Variants in USP47 observed in about 807,000 individuals in gnomAD.
The protein encoded by USP47 is ubiquitin specific peptidase 47.
USP47 carries 35 observed loss-of-function variants against 165.1 expected under a neutral mutation model. The observed-to-expected ratio is 0.21, with a 90% confidence interval of 0.16 to 0.28. The LOEUF (loss-of-function observed/expected upper bound fraction) is 0.28. Among genes scored for constraint, USP47 ranks in the 10% least tolerant of loss-of-function variants. USP47 has a pLI of 1.00. For synonymous variants in USP47, 531 were observed against 544.5 expected, an observed-to-expected ratio of 0.98 and a Z score of 0.35; for missense variants, 1,277 against 1,607.4, an observed-to-expected ratio of 0.79 and a Z score of 3.52.
chr11:11,881,772 A>T (rs1044803217), intron 2 of USP47, among the ~76,000 whole-genome samples: 4 of 152,150 alleles, frequency 2.6e-5, no homozygotes, highest in Non-Finnish European at 2.9e-5. Flanking sequence ...CTTGATAGAC[A>T]TCTGTCCTTG....
chr11:11,945,492 A>G (rs777725634), intron 20 of USP47, among the ~76,000 whole-genome samples: 2 of 152,182 alleles, frequency 1.3e-5, no homozygotes, highest in Non-Finnish European at 2.9e-5. Context: ...TCAGAGAATA[A>G]TTACAGATCA....
chr11:11,908,832 A>T (rs960695615), intron 8 of USP47, among the ~76,000 whole-genome samples: 1 of 152,294 alleles, frequency 6.6e-6, no homozygotes, highest in African/African-American at 2.4e-5. Context: ...GCCATTCTGT[A>T]TATCTCAGAT....
At chr11:11,844,894 T>C (rs921322104) in intron 1 of USP47, among the ~76,000 whole-genome samples, 1 of 152,120 alleles carries the variant, frequency 6.6e-6, no homozygotes, top group Non-Finnish European at 1.5e-5. Context: ...AGAGGACTCT[T>C]GAAGAAGACA....
chr11:11,847,805 C>T (rs186659619), intron 1 of USP47, among the ~76,000 whole-genome samples: 1 of 152,314 alleles, frequency 6.6e-6, no homozygotes, highest in Admixed American at 6.5e-5. Context: ...CTTTCTAAAA[C>T]AGATGAGATT....
At chr11:11,952,713 A>G (rs958486387) in intron 24 of USP47, 28 bp from the exon 25 acceptor site, 2 of 1,560,740 alleles carry the variant, frequency 1.3e-6, no homozygotes, top group African/African-American at 2.8e-5. Flanking sequence ...AGGAAATAGA[A>G]TGATGACCTA....
At chr11:11,931,645 G>T (rs1290727893) in intron 14 of USP47, among the ~76,000 whole-genome samples, 1 of 152,112 alleles carries the variant, frequency 6.6e-6, no homozygotes, top group Non-Finnish European at 1.5e-5. Context: ...TTGTTATAAA[G>T]CACCAGAGGG....
intron 1 of USP47, among the ~76,000 whole-genome samples, chr11:11,871,754 C>T (rs1478194845): frequency 6.6e-6 from 1 of 152,058 alleles, no homozygotes; most frequent in East Asian, 1.9e-4. Flanking sequence ...TAGCTCTTTC[C>T]ACCCCTTGAA....
rs115341256 is a variant in USP47, at chr11:11,888,416, G to A, written c.358-3552G>A. Among the ~76,000 whole-genome samples the A allele has an allele frequency of 7.3e-3, 1,104 of 152,218 alleles. 18 individuals are homozygous for A. Among genetic ancestry groups the A allele is most frequent in the African/African-American group, 0.025 (1,042 of 41,542 alleles). ...CCCACAGAAATACGAAAAACCATCA[G>A]AGAATACTATAAACATCTCTGTGCA... On this transcript the variant is annotated intron_variant, in intron 3 of 27. Transcript: ENST00000527733.
At chr11:11,855,679 G>A (rs1021874688) in intron 1 of USP47, among the ~76,000 whole-genome samples, 1 of 152,086 alleles carries the variant, frequency 6.6e-6, no homozygotes, top group African/African-American at 2.4e-5. Flanking sequence ...TACAACCAAA[G>A]CATTCTAGTT....
intron 1 of USP47, among the ~76,000 whole-genome samples, chr11:11,868,514 T>C (rs1302175365): frequency 1.3e-5 from 2 of 152,220 alleles, no homozygotes; most frequent in Non-Finnish European, 1.5e-5. Flanking sequence ...GATATGGATG[T>C]ACTATAATTT....
At chr11:11,879,517 G>T (rs1850693831) in intron 1 of USP47, among the ~76,000 whole-genome samples, 1 of 152,102 alleles carries the variant, frequency 6.6e-6, no homozygotes, top group Admixed American at 6.6e-5. Context: ...AGGATAATTT[G>T]TGACCCTAAT....
intron 3 of USP47, among the ~76,000 whole-genome samples, chr11:11,888,384 C>T (rs1360630552): frequency 6.6e-6 from 1 of 151,970 alleles, no homozygotes; most frequent in African/African-American, 2.4e-5. Context: ...GGGATATCAC[C>T]ACTGACCCCA....
chr11:11,924,595 T>A (rs1039477466), intron 11 of USP47, among the ~76,000 whole-genome samples: 3 of 152,220 alleles, frequency 2.0e-5, no homozygotes, highest in African/African-American at 7.2e-5. Flanking sequence ...GTGCTTTCTT[T>A]TTTAGAAAGT....
intron 12 of USP47, 56 bp from the exon 13 acceptor site, chr11:11,929,988 C>T (rs1490623704): frequency 5.2e-6 from 7 of 1,334,632 alleles, no homozygotes; most frequent in African/African-American, 1.4e-5. Context: ...TACATATTGA[C>T]GTTAATGTGA....
intron 7 of USP47, among the ~76,000 whole-genome samples, chr11:11,903,909 A>G (rs982205515): frequency 1.3e-5 from 2 of 152,128 alleles, no homozygotes; most frequent in African/African-American, 4.8e-5. Flanking sequence ...TATACTGGGT[A>G]TAGTAAATGA....
At chr11:11,872,872 A>T (rs1850159250) in intron 1 of USP47, among the ~76,000 whole-genome samples, 1 of 152,228 alleles carries the variant, frequency 6.6e-6, no homozygotes, top group South Asian at 2.1e-4. Flanking sequence ...GCCCATTAAT[A>T]GCAGATTAGT....
intron 1 of USP47, among the ~76,000 whole-genome samples, chr11:11,842,839 CTTTTTT>C (rs56251946): frequency 9.0e-6 from 1 of 111,358 alleles, no homozygotes; most frequent in African/African-American, 3.4e-5. Context: ...GAGCTGAACT[CTTTTTT>C]TTTTTTTTTT....
intron 8 of USP47, among the ~76,000 whole-genome samples, chr11:11,918,519 TTAA>T (rs1020671558): frequency 3.3e-5 from 5 of 152,102 alleles, no homozygotes; most frequent in African/African-American, 1.2e-4. Flanking sequence ...CATATTGAAG[TTAA>T]GAGGCAAAGC....
At chr11:11,937,463 G>A (rs1855152759) in intron 17 of USP47, among the ~76,000 whole-genome samples, 1 of 151,696 alleles carries the variant, frequency 6.6e-6, no homozygotes, top group Non-Finnish European at 1.5e-5. Flanking sequence ...CTTTCAAGGA[G>A]TCTACGGCTC....
Sources: allele counts gnomAD v4.1 joint callset (sites outside exome capture counted in the v4.1 genomes callset), GRCh38; gene constraint gnomAD v4.1.1; transcripts MANE v1.5; gene names NCBI Gene and HGNC (gene_info 2026-07-23, HGNC 2026-07-21).